Variants in COL8A1 observed in about 807,000 individuals in gnomAD.
COL8A1 encodes the protein collagen alpha-1(VIII) chain.
Under a neutral mutation model 42.7 loss-of-function variants are expected in COL8A1, and 21 were observed. The observed-to-expected ratio is 0.49, with a 90% CI of 0.35 to 0.71. COL8A1 has a LOEUF of 0.71. Among genes scored for constraint, COL8A1 ranks in the 30% least tolerant of loss-of-function variants. The pLI is 0.01. For missense variants in COL8A1, 788 were observed against 962.4 expected (o/e 0.82, Z 2.40); for synonymous variants, 367 against 369.1 (o/e 0.99, Z 0.06).
intron 1 of COL8A1, among the ~76,000 whole-genome samples, chr3:99,733,118 C>CTT (rs71130093): frequency 7.6e-6 from 1 of 132,306 alleles, no homozygotes; most frequent in African/African-American, 2.7e-5. Flanking sequence ...CAGCTTTTTT[C>CTT]TTTTTTTTTT....
At chr3:99,691,822 C>T (rs1260357130) in intron 1 of COL8A1, 2 of 151,196 alleles carry the variant, frequency 1.3e-5, no homozygotes, top group Admixed American at 6.6e-5. Context: ...AGGAACAGAA[C>T]CCAGATTTTG....
At chr3:99,769,720 A>T (rs1420358635) in intron 2 of COL8A1, among the ~76,000 whole-genome samples, 1 of 152,154 alleles carries the variant, frequency 6.6e-6, no homozygotes, top group African/African-American at 2.4e-5. Context: ...GGAGATTGAG[A>T]CCAGCCTGGC....
In COL8A1 at chr3:99,677,062, A is replaced by T. The variant is rs13089811; in HGVS notation, c.-129+38398A>T. Among the ~76,000 whole-genome samples, 518 of 130,182 alleles carry T rather than the reference A, an allele frequency of 4.0e-3. 14 individuals carry two copies. Among genetic ancestry groups the T allele is most frequent in the East Asian group, 0.021 (100 of 4,796 alleles). The allele number at this position is 130,182 out of a possible 152,430, so 85.4% of individuals were successfully genotyped here. ...GCAAAACCCTGTCTGTACAAAAAGA[A>T]AAAGAGAGAGAGAGAGAGAGAGGGA... On this transcript the variant is annotated intron_variant, in intron 1 of 3. Coordinates refer to ENST00000652472, the MANE Select transcript of COL8A1 (RefSeq NM_020351.4).
chr3:99,753,024 A>G lies in COL8A1; in HGVS notation c.-4+8003A>G, dbSNP rs115921238. Among the ~76,000 whole-genome samples the G allele has an allele frequency of 6.3e-3, 965 of 152,252 alleles. 15 individuals carry two copies. The highest frequency in any genetic ancestry group is 0.018 in the African/African-American group (760 of 41,562). ...GACCTCAGTTTTCCTTCTCAGCAAAATGGGAGGACTGGGCAAAATGTTATC... is the reference window on the plus strand; with the variant it reads ...GACCTCAGTTTTCCTTCTCAGCAAAGTGGGAGGACTGGGCAAAATGTTATC... On this transcript the variant is annotated intron_variant, in intron 2 of 3. Coordinates refer to ENST00000652472, the MANE Select transcript of COL8A1 (RefSeq NM_020351.4).
intron 1 of COL8A1, among the ~76,000 whole-genome samples, chr3:99,714,566 C>T (rs1000233235): frequency 6.6e-6 from 1 of 152,076 alleles, no homozygotes; most frequent in Non-Finnish European, 1.5e-5. Flanking sequence ...TCCTACTGGC[C>T]ACCTGTGAGC....
intron 1 of COL8A1, among the ~76,000 whole-genome samples, chr3:99,658,951 C>G (rs1938115737): frequency 6.6e-6 from 1 of 152,216 alleles, no homozygotes; most frequent in Admixed American, 6.5e-5. Flanking sequence ...CACATCCCCA[C>G]TAGCTCTACT....
At chr3:99,736,750 G>T (rs1293580888) in intron 1 of COL8A1, among the ~76,000 whole-genome samples, 1 of 151,194 alleles carries the variant, frequency 6.6e-6, no homozygotes. Flanking sequence ...TATTAGGTCC[G>T]CTTGGTGCAG....
intron 1 of COL8A1, among the ~76,000 whole-genome samples, chr3:99,647,193 T>G (rs1937673388): frequency 6.6e-6 from 1 of 152,212 alleles, no homozygotes; most frequent in Non-Finnish European, 1.5e-5. Flanking sequence ...TGATGACATA[T>G]CTACCCTGCC....
chr3:99,787,531 C>T (rs1375352975), intron 2 of COL8A1, among the ~76,000 whole-genome samples: 2 of 152,286 alleles, frequency 1.3e-5, no homozygotes, highest in East Asian at 3.9e-4. Context: ...TCTGGTCACA[C>T]TCCATTAATA....
intron 1 of COL8A1, chr3:99,678,766 G>A (rs1938777963): frequency 6.6e-6 from 1 of 152,146 alleles, no homozygotes; most frequent in Non-Finnish European, 1.5e-5. Flanking sequence ...TGTTGTTGAG[G>A]TGAAGTCAAT....
intron 2 of COL8A1, among the ~76,000 whole-genome samples, chr3:99,780,837 A>G (rs569089654): frequency 6.6e-6 from 1 of 152,260 alleles, no homozygotes; most frequent in East Asian, 1.9e-4. Context: ...CCTCCCAGAC[A>G]CCACATCCAT....
chr3:99,725,559 TC>T (rs1374513186), intron 1 of COL8A1, among the ~76,000 whole-genome samples: 30 of 83,616 alleles, frequency 3.6e-4, no homozygotes, highest in African/African-American at 1.4e-3. Context: ...ATGCTATCCC[TC>T]CCCCCTCCCC....
chr3:99,784,833 G>C (rs570251064), intron 2 of COL8A1, among the ~76,000 whole-genome samples: 6 of 152,292 alleles, frequency 3.9e-5, no homozygotes, highest in African/African-American at 1.2e-4. Context: ...ACAATGTTGA[G>C]ATAATGCTGA....
At chr3:99,762,797 C>T (rs1405389233) in intron 2 of COL8A1, among the ~76,000 whole-genome samples, 2 of 152,102 alleles carry the variant, frequency 1.3e-5, no homozygotes, top group South Asian at 2.1e-4. Flanking sequence ...AGAGCATGGT[C>T]GAGGAGTGTG....
chr3:99,666,989 GTTA>G (rs1472615469), intron 1 of COL8A1, among the ~76,000 whole-genome samples: 3 of 152,032 alleles, frequency 2.0e-5, no homozygotes, highest in African/African-American at 7.2e-5. Context: ...TTTATTATAT[GTTA>G]TTATTTTATT....
intron 1 of COL8A1, among the ~76,000 whole-genome samples, chr3:99,652,250 T>A (rs1180936400): frequency 6.6e-6 from 1 of 152,206 alleles, no homozygotes; most frequent in Admixed American, 6.5e-5. Context: ...TGTCACCACA[T>A]CAGCAAAAGA....
chr3:99,646,794 G>C, intron 1 of COL8A1, among the ~76,000 whole-genome samples: 1 of 152,080 alleles, frequency 6.6e-6, no homozygotes, highest in Non-Finnish European at 1.5e-5. Flanking sequence ...ATAATAATTA[G>C]AAAATGGCTT....
chr3:99,762,069 C>T (rs1183740115), intron 2 of COL8A1, among the ~76,000 whole-genome samples: 1 of 152,086 alleles, frequency 6.6e-6, no homozygotes, highest in African/African-American at 2.4e-5. Flanking sequence ...TGAAACTGTC[C>T]TGTTATTGGT....
At chr3:99,757,937 T>C (rs1246780481) in intron 2 of COL8A1, among the ~76,000 whole-genome samples, 1 of 152,168 alleles carries the variant, frequency 6.6e-6, no homozygotes, top group Non-Finnish European at 1.5e-5. Flanking sequence ...CCTTTTAAAA[T>C]TTGTATAAGT....
Sources: allele counts gnomAD v4.1 joint callset (sites outside exome capture counted in the v4.1 genomes callset), GRCh38; gene constraint gnomAD v4.1.1; transcripts MANE v1.5; gene names NCBI Gene and HGNC (gene_info 2026-07-23, HGNC 2026-07-21).